Variants in DPF3 observed in about 807,000 individuals in gnomAD.
The protein encoded by DPF3 is zinc finger protein DPF3.
Under a neutral mutation model 56.8 loss-of-function variants are expected in DPF3, and 18 were observed. That is an observed-to-expected ratio of 0.32 (90% CI 0.22 to 0.47). The LOEUF (loss-of-function observed/expected upper bound fraction) is 0.47. DPF3 is among the 20% of genes least tolerant of loss of function. The pLI, the probability that DPF3 is intolerant of heterozygous loss-of-function variation, is 1.00. For missense variants in DPF3, 403 were observed against 488.8 expected (o/e 0.82, Z 1.65); for synonymous variants, 188 against 180.2 (o/e 1.04, Z -0.35).
chr14:72,756,826 A>AAGAC (rs1190716419), intron 2 of DPF3, among the ~76,000 whole-genome samples: 5 of 60,868 alleles, frequency 8.2e-5, no homozygotes, highest in South Asian at 5.2e-4. Flanking sequence ...GAAAGACAGA[A>AAGAC]AGAAAGAAAG....
At chr14:72,629,534 T>C (rs1007992070) in intron 9 of DPF3, 90 bp downstream of exon 9, 23 of 1,265,020 alleles carry the variant, frequency 1.8e-5, no homozygotes, top group Non-Finnish European at 2.5e-5. Flanking sequence ...CCCAGGGGCC[T>C]AGTGACAAGA....
At chr14:72,710,800 C>A (rs1888621563) in intron 6 of DPF3, among the ~76,000 whole-genome samples, 1 of 152,212 alleles carries the variant, frequency 6.6e-6, no homozygotes, top group Non-Finnish European at 1.5e-5. Context: ...AGAAACAGAA[C>A]TTTAACCCTT....
intron 1 of DPF3, among the ~76,000 whole-genome samples, chr14:72,816,954 T>C (rs114927401): frequency 2.0e-5 from 3 of 152,174 alleles, no homozygotes; most frequent in African/African-American, 2.4e-5. Flanking sequence ...CCACCCACCA[T>C]CTCATCCTCA....
chr14:72,791,530 C>G (rs576038376), intron 1 of DPF3, among the ~76,000 whole-genome samples: 1 of 152,234 alleles, frequency 6.6e-6, no homozygotes, highest in African/African-American at 2.4e-5. Context: ...CAGAGAGCAT[C>G]GGGTCCAATG....
chr14:72,805,811 A>T (rs1225141543), intron 1 of DPF3, among the ~76,000 whole-genome samples: 1 of 24,602 alleles, frequency 4.1e-5, no homozygotes, highest in Non-Finnish European at 1.9e-4. Context: ...GTGCCACTGC[A>T]CTCTACCTGG....
intron 1 of DPF3, among the ~76,000 whole-genome samples, chr14:72,835,864 G>T (rs1884269861): frequency 1.3e-5 from 2 of 152,204 alleles, no homozygotes; most frequent in African/African-American, 4.8e-5. Context: ...CAGGAAAGGA[G>T]AAATGGTTTC....
chr14:72,839,459 G>A (rs1450030848), intron 1 of DPF3, among the ~76,000 whole-genome samples: 1 of 152,150 alleles, frequency 6.6e-6, no homozygotes, highest in African/African-American at 2.4e-5. Context: ...GTGATTAGCG[G>A]GGCTGGGGAT....
chr14:72,630,239 T>C lies in DPF3; in HGVS notation c.872-503A>G, dbSNP rs1256560289. Among the ~76,000 whole-genome samples the C allele has an allele frequency of 2.0e-5, 3 of 152,238 alleles. No homozygotes were observed. In the South Asian group the frequency reaches 6.2e-4, roughly 32 times the overall value. ...GGTTTCCAGGGTCAGTGCTCAGGGA[T>C]AGGATGAGGCATTGCACTGTTACCT... On this transcript the variant is annotated intron_variant, in intron 8 of 10. Coordinates refer to ENST00000556509, the MANE Select transcript of DPF3 (RefSeq NM_001280542.3).
intron 1 of DPF3, among the ~76,000 whole-genome samples, chr14:72,816,158 C>T (rs1420525573): frequency 6.6e-6 from 1 of 152,178 alleles, no homozygotes; most frequent in Non-Finnish European, 1.5e-5. Context: ...TCATCTCCAC[C>T]TTGTCTCAGA....
At chr14:72,655,568 TAC>T (rs1166829586) in intron 8 of DPF3, among the ~76,000 whole-genome samples, 1 of 152,212 alleles carries the variant, frequency 6.6e-6, no homozygotes, top group Non-Finnish European at 1.5e-5. Flanking sequence ...TTACTGTTCT[TAC>T]AGTTTCTTCT....
chr14:72,867,174 G>A (rs1192498121), intron 1 of DPF3, among the ~76,000 whole-genome samples: 1 of 152,092 alleles, frequency 6.6e-6, no homozygotes, highest in Non-Finnish European at 1.5e-5. Flanking sequence ...TGGGATTACA[G>A]GTGTAACAGC....
At chr14:72,873,550 T>A (rs1279633278) in intron 1 of DPF3, among the ~76,000 whole-genome samples, 1 of 152,210 alleles carries the variant, frequency 6.6e-6, no homozygotes, top group East Asian at 1.9e-4. Flanking sequence ...AAATACCATT[T>A]GACCCAGCCA....
chr14:72,630,294 A>T (rs759294137), intron 8 of DPF3, among the ~76,000 whole-genome samples: 7 of 152,246 alleles, frequency 4.6e-5, no homozygotes, highest in Non-Finnish European at 7.3e-5. Flanking sequence ...TCATGAGACT[A>T]GCAAAAGTTC....
intron 1 of DPF3, among the ~76,000 whole-genome samples, chr14:72,798,254 CAAAAAAAAAAAA>C (rs35648169): frequency 5.9e-4 from 32 of 53,952 alleles, no homozygotes; most frequent in South Asian, 3.1e-3. Flanking sequence ...GCCTTCATCT[CAAAAAAAAAAAA>C]AAAAAAAAAA....
chr14:72,788,434 A>AG (rs931645160), intron 1 of DPF3, among the ~76,000 whole-genome samples: 2 of 151,898 alleles, frequency 1.3e-5, no homozygotes, highest in African/African-American at 4.8e-5. Flanking sequence ...GAGGAGGAGG[A>AG]GGGGGGCCGC....
At chr14:72,648,261 A>C (rs1448611632) in intron 8 of DPF3, among the ~76,000 whole-genome samples, 1 of 152,166 alleles carries the variant, frequency 6.6e-6, no homozygotes, top group South Asian at 2.1e-4. Context: ...ATACATAAAC[A>C]ATCAGAATAA....
In DPF3 at chr14:72,840,529, T is replaced by G. The variant is rs750933710; in HGVS notation, c.32+53528A>C. On this transcript the variant is annotated intron_variant, in intron 1 of 10. Transcript: ENST00000556509. The stretch of plus-strand genomic sequence containing the variant: ...CAATTCTCCCCATATTCATGTAATT[T>G]TACACACACACACACTGAATAGTGA... 5.3e-5 allele frequency among the ~76,000 whole-genome samples: 8 copies of G among 151,912 alleles called. 1 individual carries two copies. The highest frequency in any genetic ancestry group is 1.0e-4 in the Non-Finnish European group (7 of 68,034).
At chr14:72,848,336 G>A (rs1205496319) in intron 1 of DPF3, among the ~76,000 whole-genome samples, 1 of 151,992 alleles carries the variant, frequency 6.6e-6, no homozygotes, top group Non-Finnish European at 1.5e-5. Context: ...GCTAATTTTT[G>A]TATTTTTAAG....
intron 1 of DPF3, among the ~76,000 whole-genome samples, chr14:72,890,856 C>T (rs1886723832): frequency 6.6e-6 from 1 of 152,096 alleles, no homozygotes; most frequent in African/African-American, 2.4e-5. Flanking sequence ...CCTATTTCTG[C>T]CTCTAACACC....
Sources: allele counts gnomAD v4.1 joint callset (sites outside exome capture counted in the v4.1 genomes callset), GRCh38; gene constraint gnomAD v4.1.1; transcripts MANE v1.5; gene names NCBI Gene and HGNC (gene_info 2026-07-23, HGNC 2026-07-21).